MMP7: variants seen among roughly 807,000 people sequenced by gnomAD.
MMP7 encodes matrix metallopeptidase 7, also known as matrilysin.
A neutral mutation model predicts 31.5 loss-of-function variants in MMP7; 26 were observed. The observed-to-expected ratio is 0.83, with a 90% CI of 0.61 to 1.15. The LOEUF (loss-of-function observed/expected upper bound fraction) is 1.15, where lower values mean the gene tolerates loss of function less well. MMP7 is among the 50% of genes most tolerant of loss of function. MMP7 has a pLI of 0.00. For synonymous variants in MMP7, 142 were observed against 124.2 expected (o/e 1.14, Z -0.95); for missense variants, 367 against 326.5 (o/e 1.12, Z -0.96).
In MMP7 at chr11:102,526,245, T is replaced by A. The variant is rs1189018925; in HGVS notation, c.485-1181A>T. On this transcript the variant is annotated intron_variant, in intron 3 of 5. Transcript: ENST00000260227. ...AAAAAAATATATATATATATATTTT[T>A]TTTTTTTCTTTTGAGACATAGTCTT... is the stretch of plus-strand genomic sequence containing the variant. Among the ~76,000 whole-genome samples, 348 of 139,766 alleles carry A rather than the reference T, an allele frequency of 2.5e-3. 2 individuals carry two copies. The highest frequency in any genetic ancestry group is 5.6e-3 in the African/African-American group (223 of 39,916). The allele number at this position is 139,766 out of a possible 152,430, so 91.7% of individuals were successfully genotyped here.
At position 102,523,541 on chromosome 11, in the gene MMP7, C is replaced by G. The variant is rs1858636968; in HGVS notation, c.614-140G>C. The G allele has an allele frequency of 4.5e-6, 3 of 659,758 alleles. No individual in the cohort carries two copies. In the South Asian group the frequency reaches 1.5e-4, roughly 34 times the overall value. The allele number at this position is 659,758 out of a possible 1,614,324, so 40.9% of individuals were successfully genotyped here. ...CCCACGGTAGCTTACTTATTTGTTT[C>G]TAGGCTTTCAAAAGTGGAGAGGGGT... On this transcript the variant is annotated intron_variant, in intron 4 of 5. Transcript: ENST00000260227.
intron 3 of MMP7, among the ~76,000 whole-genome samples, chr11:102,526,252 T>C (rs1452244467): frequency 6.8e-6 from 1 of 146,710 alleles, no homozygotes; most frequent in Non-Finnish European, 1.5e-5. Context: ...TTTTTTTTTT[T>C]CTTTTGAGAC....
chr11:102,523,772 G>T (rs1858639196), intron 4 of MMP7, among the ~76,000 whole-genome samples: 1 of 152,168 alleles, frequency 6.6e-6, no homozygotes, highest in Admixed American at 6.5e-5. Context: ...AATTGATGTT[G>T]CTGAGTCTCA....
intron 4 of MMP7, 92 bp downstream of exon 4, chr11:102,524,844 A>G (rs924452450): frequency 1.4e-6 from 2 of 1,407,980 alleles, no homozygotes; most frequent in Non-Finnish European, 1.9e-6. Flanking sequence ...CAAGGGCTCA[A>G]TACTTATTAT....
In MMP7 at chr11:102,520,814, GAA is replaced by G; in HGVS notation, c.776-12_776-11del. The G allele has an allele frequency of 6.7e-7, 1 of 1,499,114 alleles. No homozygotes were observed. Among genetic ancestry groups the G allele is most frequent in the South Asian group, 1.2e-5 (1 of 83,260 alleles). 92.9% of individuals were successfully genotyped at this position (1,499,114 alleles called of 1,614,324 possible). ...GAATTACTTCTCTTTCCTATTGAGAGAAAAAAAAAGAACATTCTGATATGTAG... is the reference window on the plus strand; with the variant it reads ...GAATTACTTCTCTTTCCTATTGAGAGAAAAAAAGAACATTCTGATATGTAG... On this transcript the variant is annotated splice_polypyrimidine_tract_variant and intron_variant, in intron 5 of 5. Transcript: ENST00000260227.
At chr11:102,526,598 G>C (rs1355434401) in intron 3 of MMP7, among the ~76,000 whole-genome samples, 1 of 152,082 alleles carries the variant, frequency 6.6e-6, no homozygotes, top group Admixed American at 6.5e-5. Flanking sequence ...CTTGCCACAT[G>C]AAAGGCATTA....
chr11:102,524,359 T>C (rs1858645628), intron 4 of MMP7: 1 of 152,234 alleles, frequency 6.6e-6, no homozygotes, highest in African/African-American at 2.4e-5. Flanking sequence ...AGTTCTCTCA[T>C]GTGCCTATAA....
At chr11:102,524,353 C>T (rs1396709392) in intron 4 of MMP7, 1 of 152,132 alleles carries the variant, frequency 6.6e-6, no homozygotes, top group Non-Finnish European at 1.5e-5. Context: ...TCCATTAGTT[C>T]TCTCATGTGC....
intron 3 of MMP7, among the ~76,000 whole-genome samples, chr11:102,526,274 C>G (rs56857975): frequency 6.8e-6 from 1 of 146,502 alleles, no homozygotes; most frequent in East Asian, 2.0e-4. Flanking sequence ...TAGTCTTGCT[C>G]TGTTGCCCAG....
At chr11:102,529,768 A>C (rs921630754) in intron 1 of MMP7, among the ~76,000 whole-genome samples, 2 of 152,208 alleles carry the variant, frequency 1.3e-5, no homozygotes, top group Non-Finnish European at 2.9e-5. Context: ...GCATATTGCA[A>C]GGAACATGAT....
intron 4 of MMP7, chr11:102,524,492 T>G (rs1565375103): frequency 6.6e-6 from 1 of 152,314 alleles, no homozygotes; most frequent in Non-Finnish European, 1.5e-5. Flanking sequence ...TACTTCTCTT[T>G]CTTTTCCATT....
chr11:102,528,353 G>A (rs1280677511), intron 1 of MMP7, among the ~76,000 whole-genome samples: 2 of 152,174 alleles, frequency 1.3e-5, no homozygotes, highest in Middle Eastern at 3.2e-3. Context: ...TGTTATCATA[G>A]ACCCTGTGGG....
At position 102,520,755 on chromosome 11, in the gene MMP7, T is replaced by C; in HGVS notation, c.*21A>G. On this transcript the variant is annotated 3_prime_UTR_variant, in exon 6 of 6. Coordinates refer to ENST00000260227, the MANE Select transcript of MMP7 (RefSeq NM_002423.5). The stretch of plus-strand genomic sequence containing the variant: ...ATATACAATCCAATGAATGAATGAA[T>C]GGATGTTCTGCCTGAAGTTTCTATT... 6.4e-7 allele frequency: 1 copy of C among 1,551,404 alleles called. No homozygotes were observed. The highest frequency in any genetic ancestry group is 8.8e-7 in the Non-Finnish European group (1 of 1,135,110).
intron 1 of MMP7, among the ~76,000 whole-genome samples, chr11:102,528,817 TAAC>T (rs554862076): frequency 4.8e-4 from 73 of 152,272 alleles, no homozygotes; most frequent in African/African-American, 1.5e-3. Flanking sequence ...GTGAATGAAC[TAAC>T]AACAATAGCA....
intron 3 of MMP7, among the ~76,000 whole-genome samples, chr11:102,526,327 C>G (rs1305916739): frequency 1.3e-5 from 2 of 151,038 alleles, no homozygotes; most frequent in Non-Finnish European, 1.5e-5. Context: ...GCAACCTCTG[C>G]CTCCCAGGTT....
At chr11:102,523,173 C>A (rs1858631899) in intron 5 of MMP7, 67 bp downstream of exon 5, 2 of 1,307,264 alleles carry the variant, frequency 1.5e-6, no homozygotes, top group Admixed American at 3.9e-5. Flanking sequence ...ATTTCCCAGC[C>A]TTTCTTTTCC....
At chr11:102,521,124 A>C (rs1378245896) in intron 5 of MMP7, among the ~76,000 whole-genome samples, 4 of 152,196 alleles carry the variant, frequency 2.6e-5, no homozygotes, top group Admixed American at 6.6e-5. Context: ...ATAATGTCTC[A>C]TTGAATTCTT....
chr11:102,526,240 A>ATATATTTTT (rs1437244210), intron 3 of MMP7, among the ~76,000 whole-genome samples: 1 of 131,492 alleles, frequency 7.6e-6, no homozygotes, highest in African/African-American at 2.9e-5. Flanking sequence ...ATATATATAT[A>ATATATTTTT]TTTTTTTTTT....
intron 3 of MMP7, among the ~76,000 whole-genome samples, chr11:102,526,516 C>A (rs535959770): frequency 1.3e-5 from 2 of 152,184 alleles, no homozygotes; most frequent in Admixed American, 6.5e-5. Flanking sequence ...GGATTACAGG[C>A]GTGAGCCACC....
Sources: allele counts gnomAD v4.1 joint callset (sites outside exome capture counted in the v4.1 genomes callset), GRCh38; gene constraint gnomAD v4.1.1; transcripts MANE v1.5; gene names NCBI Gene and HGNC (gene_info 2026-07-23, HGNC 2026-07-21).